Variants in TRIM8 observed in about 807,000 individuals in gnomAD.
TRIM8 encodes tripartite motif containing 8.
Under a neutral mutation model 55.7 loss-of-function variants are expected in TRIM8, and 9 were observed. That is an observed-to-expected ratio of 0.16 (90% CI 0.10 to 0.28). The LOEUF (loss-of-function observed/expected upper bound fraction) is 0.28, where lower values mean the gene tolerates loss of function less well. TRIM8 is among the 10% of genes least tolerant of loss of function. The probability of loss-of-function intolerance (pLI) is 1.00; values close to 1 mark genes in which losing one functional copy is unlikely to be tolerated. For synonymous variants in TRIM8, 335 were observed against 333.3 expected, an observed-to-expected ratio of 1.01 and a Z score of -0.06; for missense variants, 556 against 736.4, an observed-to-expected ratio of 0.76 and a Z score of 2.83.
intron 3 of TRIM8, 33 bp downstream of exon 3, chr10:102,655,346 C>A (rs1226241765): frequency 1.3e-6 from 2 of 1,582,810 alleles, no homozygotes; most frequent in Admixed American, 3.8e-5. Context: ...CTGGTGGCAC[C>A]CAGAGGGCCA....
rs1355436729 is a variant in TRIM8, at chr10:102,645,209, G to GCA, written c.570+23_570+24insAC. ...CCGGGCAAGTACCCTACGCGCGCGC[G>GCA]CGCACACACACACACACAGACACAC... On this transcript the variant is annotated intron_variant, in intron 1 of 5. Coordinates refer to ENST00000643721, the MANE Select transcript of TRIM8 (RefSeq NM_030912.3). The GCA allele has an allele frequency of 5.3e-6, 8 of 1,515,790 alleles. No homozygotes were observed. The African/African-American group carries it at 5.6e-5, about 11-fold the overall frequency. 93.9% of individuals were successfully genotyped at this position (1,515,790 alleles called of 1,614,324 possible).
chr10:102,649,545 G>T (rs527911932), intron 1 of TRIM8, among the ~76,000 whole-genome samples: 1 of 152,238 alleles, frequency 6.6e-6, no homozygotes, highest in South Asian at 2.1e-4. Context: ...TTCCTTTCCC[G>T]GCTGGCCTGG....
At chr10:102,646,617 A>G (rs2063937715) in intron 1 of TRIM8, among the ~76,000 whole-genome samples, 1 of 152,206 alleles carries the variant, frequency 6.6e-6, no homozygotes, top group South Asian at 2.1e-4. Flanking sequence ...TTTGTGTGCC[A>G]GGATAGGCCT....
chr10:102,651,593 C>A (rs1286638368), intron 1 of TRIM8, among the ~76,000 whole-genome samples: 1 of 152,226 alleles, frequency 6.6e-6, no homozygotes, highest in Non-Finnish European at 1.5e-5. Flanking sequence ...AGCAGCCATG[C>A]AGTAAGCCTG....
At chr10:102,649,195 T>G (rs570475178) in intron 1 of TRIM8, 1 of 152,326 alleles carries the variant, frequency 6.6e-6, no homozygotes, top group South Asian at 2.1e-4. Context: ...CTGCCGGGCT[T>G]GCTGAGCGCC....
rs2135984639 is a variant in TRIM8 at position 102,656,610 on chromosome 10, T to C, written c.1049-137T>C. The C allele has an allele frequency of 2.2e-6, 3 of 1,391,780 alleles. No individual in the cohort carries two copies. The highest frequency in any genetic ancestry group is 2.9e-6 in the Non-Finnish European group (3 of 1,031,178). 86.2% of individuals were successfully genotyped at this position (1,391,780 alleles called of 1,614,324 possible). A position where few individuals can be genotyped will look rare whatever the true frequency, so the allele number is the denominator to read the frequency against. ...ATAACTATTCTGTACCTCCTAATGG[T>C]AGAGGAGCAAGCATCACCTGAGATG... On this transcript the variant is annotated intron_variant, in intron 5 of 5. Coordinates refer to ENST00000643721, the MANE Select transcript of TRIM8 (RefSeq NM_030912.3). The surrounding 1 kb of genome is among the most constrained non-coding windows in gnomAD (Gnocchi z 4.6).
In TRIM8 at chr10:102,657,582, A is replaced by G; in HGVS notation, c.*228A>G. 2.0e-6 allele frequency: 1 copy of G among 511,382 alleles called. No individual in the cohort carries two copies. Among genetic ancestry groups the G allele is most frequent in the Non-Finnish European group, 3.3e-6 (1 of 301,592 alleles). The allele number at this position is 511,382 out of a possible 1,614,324, so 31.7% of individuals were successfully genotyped here. On this transcript the variant is annotated 3_prime_UTR_variant, in exon 6 of 6. Transcript: ENST00000643721. ...GTGACAGTGGGAGCTGGCCTGGGCC[A>G]GGACGGCAGGTGGCCCTGGAGATGG...
At chr10:102,648,976 C>G (rs1017991796) in intron 1 of TRIM8, among the ~76,000 whole-genome samples, 1 of 152,056 alleles carries the variant, frequency 6.6e-6, no homozygotes, top group Admixed American at 6.5e-5. Context: ...CATGCACACA[C>G]TATTATTACT....
chr10:102,653,421 G>A (rs1033864944), intron 1 of TRIM8: 5 of 152,550 alleles, frequency 3.3e-5, no homozygotes, highest in Non-Finnish European at 7.3e-5. Context: ...AAGAGTCAGG[G>A]TGTAAAAGAG....
In TRIM8 at chr10:102,656,128, T is replaced by A; in HGVS notation, c.923T>A (p.Leu308Gln). 6.2e-7 allele frequency: 1 copy of A among 1,614,164 alleles called. No homozygotes were observed. Among genetic ancestry groups the A allele is most frequent in the Non-Finnish European group, 8.5e-7 (1 of 1,180,038 alleles). ...CAGAACACCAAGTCTGTGAAAATCC[T>A]GATGGACAGGTAAGCTGAGGGCCCT... is the stretch of plus-strand genomic sequence containing the variant. ...FMKNTKSVKI[L>Q]MDRTQTCTSS... The change falls in exon 4 of 6, where the codon CTG becomes CAG. Residue 308 changes from leucine to glutamine, a missense_variant. Physicochemically the swap from Leu to Gln is moderately radical, Grantham distance 113. Around this residue, in one of 2 missense-constraint regions of TRIM8, gnomAD observed 391 missense variants for 441.0 expected, o/e 0.89. Coordinates refer to ENST00000643721, the MANE Select transcript of TRIM8 (RefSeq NM_030912.3). The surrounding 1 kb of genome is among the most constrained non-coding windows in gnomAD (Gnocchi z 4.6).
At chr10:102,650,574 T>C (rs1269064833) in intron 1 of TRIM8, among the ~76,000 whole-genome samples, 2 of 152,336 alleles carry the variant, frequency 1.3e-5, no homozygotes, top group East Asian at 1.9e-4. Flanking sequence ...CGTTCCACTC[T>C]GCTCTGCTCC....
In TRIM8 at chr10:102,657,450, C is replaced by A. The variant is rs2064037098; in HGVS notation, c.*96C>A. ...AGACCTGCCCTTCTACCTTCCTCGCCTCCCCTCTTCCTCATTCCATTGCCC... is the reference window on the plus strand; with the variant it reads ...AGACCTGCCCTTCTACCTTCCTCGCATCCCCTCTTCCTCATTCCATTGCCC... On this transcript the variant is annotated 3_prime_UTR_variant, in exon 6 of 6. Transcript: ENST00000643721. 7.1e-7 allele frequency: 1 copy of A among 1,402,192 alleles called. No individual in the cohort carries two copies. The highest frequency in any genetic ancestry group is 9.6e-7 in the Non-Finnish European group (1 of 1,046,572). The allele number at this position is 1,402,192 out of a possible 1,614,324, so 86.9% of individuals were successfully genotyped here.
chr10:102,654,206 G>A (rs936988926), intron 1 of TRIM8: 12 of 158,864 alleles, frequency 7.6e-5, no homozygotes, highest in African/African-American at 1.7e-4. Context: ...AGGCCGAGGC[G>A]GGCAGATCAT....
chr10:102,645,571 A>C (rs1230962937), intron 1 of TRIM8: 3 of 182,752 alleles, frequency 1.6e-5, no homozygotes, highest in Admixed American at 6.1e-5. Context: ...GCTGCTGTTT[A>C]TGTAATGAGT....
At chr10:102,651,488 G>A (rs1323050304) in intron 1 of TRIM8, among the ~76,000 whole-genome samples, 1 of 152,222 alleles carries the variant, frequency 6.6e-6, no homozygotes, top group East Asian at 1.9e-4. Context: ...CAAGGAAGCT[G>A]CGCTGGGACC....
rs778167758 is a variant in TRIM8, at chr10:102,648,050, GC to G, written c.570+2865del. On this transcript the variant is annotated intron_variant, in intron 1 of 5. Transcript: ENST00000643721. The stretch of plus-strand genomic sequence containing the variant: ...CCAGTGTGTCGGCCACATTGCCGAG[GC>G]CTGGATACTCACTGGATGATCCCGA... 5.3e-5 allele frequency among the ~76,000 whole-genome samples: 8 copies of G among 152,298 alleles called. No individual in the cohort carries two copies. In the East Asian group the frequency reaches 1.5e-3, roughly 29 times the overall value.
chr10:102,655,141 T>C lies in TRIM8; in HGVS notation c.728T>C (p.Leu243Pro). 6.2e-7 allele frequency: 1 copy of C among 1,611,930 alleles called. No homozygotes were observed. ...RLQYEKLHQL[L>P]DEDLRQTVEV... ...CAGTACGAGAAGCTGCACCAGCTGCTGGACGAGGACCTGCGGCAGACAGTG... is the reference window on the plus strand; with the variant it reads ...CAGTACGAGAAGCTGCACCAGCTGCCGGACGAGGACCTGCGGCAGACAGTG... Residue 243 changes from leucine (L) to proline (P), a missense_variant, in exon 3 of 6, where the codon CTG becomes CCG. Transcript: ENST00000643721.
At chr10:102,652,982 T>C (rs986420829) in intron 1 of TRIM8, among the ~76,000 whole-genome samples, 1 of 152,114 alleles carries the variant, frequency 6.6e-6, no homozygotes, top group Non-Finnish European at 1.5e-5. Flanking sequence ...TTTGTATTTT[T>C]AGGAGAGATG....
chr10:102,651,524 C>G (rs886694734), intron 1 of TRIM8, among the ~76,000 whole-genome samples: 4 of 152,256 alleles, frequency 2.6e-5, no homozygotes, highest in Non-Finnish European at 5.9e-5. Flanking sequence ...TCCTACCCCT[C>G]CCCTGGGACT....
Sources: allele counts gnomAD v4.1 joint callset (sites outside exome capture counted in the v4.1 genomes callset), GRCh38; gene constraint gnomAD v4.1.1; regional missense constraint gnomAD v4.1.1; non-coding constraint Gnocchi (gnomAD v3.1); transcripts MANE v1.5; gene names NCBI Gene and HGNC (gene_info 2026-07-23, HGNC 2026-07-21).